Variants in CARMIL1 observed in about 807,000 individuals in gnomAD.
CARMIL1 encodes F-actin-uncapping protein LRRC16A.
Under a neutral mutation model 177.1 loss-of-function variants are expected in CARMIL1, and 90 were observed. That is an observed-to-expected ratio of 0.51 (90% CI 0.43 to 0.61). The LOEUF (loss-of-function observed/expected upper bound fraction) is 0.61, where lower values mean the gene tolerates loss of function less well. Among genes scored for constraint, CARMIL1 ranks in the 20% least tolerant of loss-of-function variants. The pLI, the probability that CARMIL1 is intolerant of heterozygous loss-of-function variation, is 0.00. For missense variants in CARMIL1, 1,380 were observed against 1,667.0 expected (o/e 0.83, Z 3.00); for synonymous variants, 577 against 606.2 (o/e 0.95, Z 0.71).
chr6:25,480,861 C>CCCGCGCCCGCCA (rs1458874692), intron 11 of CARMIL1, among the ~76,000 whole-genome samples: 14 of 150,498 alleles, frequency 9.3e-5, no homozygotes, highest in Admixed American at 8.6e-4. Context: ...GTTGGAACTA[C>CCCGCGCCCGCCA]CCGCGCCCGC....
chr6:25,482,473 A>T, intron 12 of CARMIL1, 130 bp downstream of exon 12: 1 of 497,546 alleles, frequency 2.0e-6, no homozygotes, highest in Non-Finnish European at 3.4e-6. Context: ...GTATTATATT[A>T]CTCTGGCAGT....
intron 36 of CARMIL1, among the ~76,000 whole-genome samples, chr6:25,615,061 ATTTTG>A (rs950830119): frequency 6.6e-5 from 10 of 152,196 alleles, no homozygotes; most frequent in Non-Finnish European, 1.3e-4. Flanking sequence ...TAATATTTTA[ATTTTG>A]TTTTGTTAGT....
chr6:25,348,648 T>G (rs1787799229), intron 2 of CARMIL1, among the ~76,000 whole-genome samples: 1 of 151,690 alleles, frequency 6.6e-6, no homozygotes, highest in South Asian at 2.1e-4. Flanking sequence ...TGGGCGTGGC[T>G]GCGTGTGCCT....
chr6:25,378,543 G>T (rs538130992), intron 2 of CARMIL1, among the ~76,000 whole-genome samples: 15 of 152,302 alleles, frequency 9.8e-5, no homozygotes, highest in African/African-American at 3.4e-4. Context: ...ATCAGCAGTG[G>T]CTTCCCTCTG....
At chr6:25,387,020 C>G (rs1792233468) in intron 2 of CARMIL1, among the ~76,000 whole-genome samples, 1 of 148,728 alleles carries the variant, frequency 6.7e-6, no homozygotes, top group South Asian at 2.1e-4. Flanking sequence ...ATCTCAGCTA[C>G]TTAGGAGCCT....
At chr6:25,450,132 A>G in intron 6 of CARMIL1, 137 bp downstream of exon 6, 1 of 785,806 alleles carries the variant, frequency 1.3e-6, no homozygotes, top group East Asian at 2.7e-5. Context: ...CAGACTTTAG[A>G]TTGGTGGACA....
chr6:25,332,173 G>A (rs957031886), intron 2 of CARMIL1, among the ~76,000 whole-genome samples: 5 of 152,146 alleles, frequency 3.3e-5, no homozygotes, highest in Non-Finnish European at 7.3e-5. Context: ...GTTGCCAGGA[G>A]CCTCAAATCT....
chr6:25,451,167 T>A (rs1312406334), intron 8 of CARMIL1, among the ~76,000 whole-genome samples: 1 of 151,894 alleles, frequency 6.6e-6, no homozygotes, highest in Non-Finnish European at 1.5e-5. Context: ...TCACTGTGGA[T>A]GACTTGTGGA....
At chr6:25,445,732 G>A (rs1177340256) in intron 5 of CARMIL1, among the ~76,000 whole-genome samples, 4 of 151,834 alleles carry the variant, frequency 2.6e-5, no homozygotes, top group African/African-American at 7.3e-5. Context: ...TAGAGATGGG[G>A]TTTCACCATG....
chr6:25,564,599 T>C (rs1811395897), intron 29 of CARMIL1, among the ~76,000 whole-genome samples: 11 of 152,186 alleles, frequency 7.2e-5, no homozygotes, highest in Non-Finnish European at 1.2e-4. Flanking sequence ...TAGTTTGCCT[T>C]CTGTCTTATG....
At position 25,619,602 on chromosome 6, in the gene CARMIL1, T is replaced by C. The variant is rs1759574397; in HGVS notation, c.*19T>C. 1 of 1,610,990 alleles carries C rather than the reference T, an allele frequency of 6.2e-7. No homozygotes were observed. ...TGTGTAAAGGTCACCCACGCAGAAG[T>C]CTTCCTGTGCAGGGTGCTTTGGTAG... On this transcript the variant is annotated 3_prime_UTR_variant, in exon 37 of 37. Coordinates refer to ENST00000329474, the MANE Select transcript of CARMIL1 (RefSeq NM_017640.6).
intron 23 of CARMIL1, among the ~76,000 whole-genome samples, chr6:25,526,268 G>C (rs534179453): frequency 1.3e-5 from 2 of 151,838 alleles, no homozygotes; most frequent in East Asian, 3.9e-4. Context: ...GCGTGAACCC[G>C]GGGGGTGGAG....
At position 25,418,046 on chromosome 6, in the gene CARMIL1, G is replaced by A. The variant is rs766016659; in HGVS notation, c.139-2068G>A. On this transcript the variant is annotated intron_variant, in intron 2 of 36. Transcript: ENST00000329474. ...AGGAGGCACGATTGAGTAATAACAT[G>A]TAGACATATTGTGGTGGTTAAGGAC... 5.3e-5 allele frequency among the ~76,000 whole-genome samples: 8 copies of A among 152,212 alleles called. No homozygotes were observed. In the South Asian group the frequency reaches 1.5e-3, roughly 28 times the overall value.
At chr6:25,338,228 G>C (rs939387861) in intron 2 of CARMIL1, among the ~76,000 whole-genome samples, 2 of 151,836 alleles carry the variant, frequency 1.3e-5, no homozygotes, top group South Asian at 4.2e-4. Flanking sequence ...CTGCACTCCA[G>C]CCTGGGCAAC....
chr6:25,310,466 A>G (rs1783707569), intron 2 of CARMIL1, among the ~76,000 whole-genome samples: 2 of 152,220 alleles, frequency 1.3e-5, no homozygotes, highest in Admixed American at 1.3e-4. Flanking sequence ...CTAAAATAGA[A>G]TAGTAGATGT....
At chr6:25,341,469 A>T (rs1786929647) in intron 2 of CARMIL1, among the ~76,000 whole-genome samples, 1 of 152,234 alleles carries the variant, frequency 6.6e-6, no homozygotes, top group African/African-American at 2.4e-5. Context: ...CATGCCTATA[A>T]TCCCAGCACT....
At chr6:25,380,469 G>A (rs1791412080) in intron 2 of CARMIL1, among the ~76,000 whole-genome samples, 1 of 152,224 alleles carries the variant, frequency 6.6e-6, no homozygotes, top group South Asian at 2.1e-4. Flanking sequence ...TCTCTGGAGT[G>A]GTTTGCTGAC....
chr6:25,394,868 G>A (rs1025577125), intron 2 of CARMIL1, among the ~76,000 whole-genome samples: 12 of 152,168 alleles, frequency 7.9e-5, no homozygotes, highest in African/African-American at 2.7e-4. Flanking sequence ...CTGTTTATAA[G>A]TAAATATGTT....
chr6:25,527,873 ATTAG>A (rs970654345), intron 23 of CARMIL1, among the ~76,000 whole-genome samples: 3 of 152,348 alleles, frequency 2.0e-5, no homozygotes, highest in Admixed American at 1.3e-4. Flanking sequence ...CTTCAGAGTT[ATTAG>A]TTAGTTCTTA....
Sources: allele counts gnomAD v4.1 joint callset (sites outside exome capture counted in the v4.1 genomes callset), GRCh38; gene constraint gnomAD v4.1.1; transcripts MANE v1.5; gene names NCBI Gene and HGNC (gene_info 2026-07-23, HGNC 2026-07-21).